Variants in PCNX1 observed in about 807,000 individuals in gnomAD.
PCNX1 encodes the protein pecanex 1, also known as pecanex-like protein 1.
In PCNX1, 78 loss-of-function variants were observed where a neutral mutation model predicts 242.2. That is an observed-to-expected ratio of 0.32 (90% CI 0.27 to 0.39). The LOEUF (loss-of-function observed/expected upper bound fraction) is 0.39. Among genes scored for constraint, PCNX1 ranks in the 10% least tolerant of loss-of-function variants. The pLI is 1.00. For missense variants in PCNX1, 2,581 were observed against 2,856.5 expected (o/e 0.90, Z 2.20); for synonymous variants, 1,024 against 1,032.9 (o/e 0.99, Z 0.17).
At chr14:71,045,651 CCTCT>C (rs760613477) in intron 20 of PCNX1, among the ~76,000 whole-genome samples, 2 of 152,236 alleles carry the variant, frequency 1.3e-5, no homozygotes, top group African/African-American at 2.4e-5. Context: ...CTCTTTAAGG[CCTCT>C]CTATTTGAAA....
intron 27 of PCNX1, 79 bp downstream of exon 27, chr14:71,073,877 G>A: frequency 9.6e-6 from 9 of 937,420 alleles, no homozygotes; most frequent in Non-Finnish European, 1.3e-5. Context: ...ATATATATAT[G>A]TATATACTTT....
intron 15 of PCNX1, among the ~76,000 whole-genome samples, chr14:71,027,937 A>T (rs1452113507): frequency 6.6e-6 from 1 of 151,880 alleles, no homozygotes; most frequent in East Asian, 1.9e-4. Flanking sequence ...CTTTTGTCAT[A>T]CTATAATTTA....
At chr14:71,043,951 T>C (rs1013068687) in intron 19 of PCNX1, among the ~76,000 whole-genome samples, 5 of 152,232 alleles carry the variant, frequency 3.3e-5, no homozygotes, top group African/African-American at 1.2e-4. Context: ...ATAACAGTTT[T>C]TCCAATTGTA....
rs201235331 is a variant in PCNX1 at position 71,045,222 on chromosome 14, A to G, written c.3957A>G (p.Pro1319=). 146 of 1,612,670 alleles carry G rather than the reference A, an allele frequency of 9.1e-5. No individual in the cohort carries two copies. The East Asian group carries it at 1.1e-3, about 12-fold the overall frequency. The change falls in exon 20 of 36, where the codon CCA becomes CCG. Residue 1319 remains proline (P), a synonymous_variant. Coordinates refer to ENST00000304743, the MANE Select transcript of PCNX1 (RefSeq NM_014982.3). ...TGCCTCAAGTTAGAAAACAGCTACC[A>G]TGGCACTGTTTCTCTCATCCTCTGC... ...YVLPQVRKQL[P]WHCFSHPLLK...
At chr14:70,947,608 CT>C (rs1230665581) in intron 2 of PCNX1, among the ~76,000 whole-genome samples, 1 of 152,114 alleles carries the variant, frequency 6.6e-6, no homozygotes, top group Non-Finnish European at 1.5e-5. Flanking sequence ...ATCCCGTCTT[CT>C]TCTTAAGCTG....
At chr14:71,104,785 G>A (rs2062563442) in intron 32 of PCNX1, among the ~76,000 whole-genome samples, 1 of 152,290 alleles carries the variant, frequency 6.6e-6, no homozygotes, top group East Asian at 1.9e-4. Flanking sequence ...AAATTAGCTG[G>A]ACATGGTAGT....
chr14:70,969,237 A>C (rs1350779445), intron 5 of PCNX1, 127 bp downstream of exon 5: 10 of 661,816 alleles, frequency 1.5e-5, no homozygotes, highest in Non-Finnish European at 2.7e-5. Flanking sequence ...AAACATTAAC[A>C]TAAAATGTTA....
At chr14:71,080,404 T>G (rs2061824591) in intron 28 of PCNX1, among the ~76,000 whole-genome samples, 2 of 152,116 alleles carry the variant, frequency 1.3e-5, no homozygotes, top group Non-Finnish European at 2.9e-5. Flanking sequence ...TTCTAATTCT[T>G]AGAAGCAAGT....
intron 1 of PCNX1, among the ~76,000 whole-genome samples, chr14:70,928,519 TAAATA>T (rs916772657): frequency 2.0e-5 from 3 of 152,200 alleles, no homozygotes; most frequent in African/African-American, 4.8e-5. Context: ...CTTAGACTGA[TAAATA>T]AAAGAGTGAT....
At chr14:71,062,950 A>C (rs999850367) in intron 26 of PCNX1, among the ~76,000 whole-genome samples, 9 of 152,340 alleles carry the variant, frequency 5.9e-5, no homozygotes, top group African/African-American at 2.2e-4. Context: ...GACATTATTC[A>C]GTACTATAAC....
At chr14:71,034,656 C>A (rs1229775086) in intron 18 of PCNX1, among the ~76,000 whole-genome samples, 1 of 152,012 alleles carries the variant, frequency 6.6e-6, no homozygotes, top group Non-Finnish European at 1.5e-5. Flanking sequence ...AAATCTTTTT[C>A]TCAGTTTTAG....
chr14:71,018,890 A>T, intron 11 of PCNX1, 119 bp from the exon 12 acceptor site: 1 of 792,474 alleles, frequency 1.3e-6, no homozygotes, highest in Non-Finnish European at 2.0e-6. Flanking sequence ...CAAACTCAGT[A>T]CCAAAAAGAC....
chr14:71,068,625 TAA>T lies in PCNX1; in HGVS notation c.4853-4916_4853-4915del, dbSNP rs2061514836. On this transcript the variant is annotated intron_variant, in intron 26 of 35. Transcript: ENST00000304743. ...GTGTGTGTGTGTGTGTGTGTGTGTA[TAA>T]AAATATATATACATATATTGTTGCA... Among the ~76,000 whole-genome samples the T allele has an allele frequency of 4.9e-5, 7 of 143,360 alleles. 1 individual carries two copies. The highest frequency in any genetic ancestry group is 4.4e-4 in the Admixed American group (6 of 13,746). The allele number at this position is 143,360 out of a possible 152,430, so 94.0% of individuals were successfully genotyped here.
chr14:70,967,681 G>A (rs1335827977), intron 3 of PCNX1, among the ~76,000 whole-genome samples: 1 of 152,094 alleles, frequency 6.6e-6, no homozygotes, highest in African/African-American at 2.4e-5. Flanking sequence ...CTATAAAGAA[G>A]TACTTACTTT....
At chr14:70,976,729 G>A (rs1171582758) in intron 5 of PCNX1, among the ~76,000 whole-genome samples, 1 of 152,108 alleles carries the variant, frequency 6.6e-6, no homozygotes, top group Admixed American at 6.5e-5. Flanking sequence ...TCTGAGGCCA[G>A]TTGAAGAACT....
intron 1 of PCNX1, among the ~76,000 whole-genome samples, chr14:70,935,018 C>G (rs537928853): frequency 7.2e-5 from 11 of 152,034 alleles, no homozygotes; most frequent in African/African-American, 1.9e-4. Flanking sequence ...ACTTTTACCC[C>G]CTTTGGGAAA....
chr14:70,989,738 G>A (rs1424955778), intron 7 of PCNX1, among the ~76,000 whole-genome samples: 1 of 151,748 alleles, frequency 6.6e-6, no homozygotes, highest in Admixed American at 6.6e-5. Flanking sequence ...TGCCTTGTTG[G>A]CCAGGCTGGT....
Position 71,073,568 on chromosome 14 carries a change from G to T in PCNX1, c.4876G>T (p.Val1626Leu). ...FRGTYCQQRE[V>L]EAITEGVEED... The stretch of plus-strand genomic sequence containing the variant: ...AGGTACCTACTGTCAACAACGGGAA[G>T]TGGAGGCCATTACTGAAGGTGTAGA... The change falls in exon 27 of 36, where the codon GTG becomes TTG. Residue 1626 changes from valine (V) to leucine (L), a missense_variant. Val to Leu is a conservative substitution (Grantham distance 32). Coordinates refer to ENST00000304743, the MANE Select transcript of PCNX1 (RefSeq NM_014982.3). 4 of 1,612,640 alleles carry T rather than the reference G, an allele frequency of 2.5e-6. No individual in the cohort carries two copies. Among genetic ancestry groups the T allele is most frequent in the Non-Finnish European group, 3.4e-6 (4 of 1,179,222 alleles).
chr14:71,071,799 A>G (rs2061592969), intron 26 of PCNX1, among the ~76,000 whole-genome samples: 1 of 152,148 alleles, frequency 6.6e-6, no homozygotes, highest in African/African-American at 2.4e-5. Context: ...CCTTATTTCT[A>G]GCATTTGATT....
Sources: allele counts gnomAD v4.1 joint callset (sites outside exome capture counted in the v4.1 genomes callset), GRCh38; gene constraint gnomAD v4.1.1; transcripts MANE v1.5; gene names NCBI Gene and HGNC (gene_info 2026-07-23, HGNC 2026-07-21).